Variants in ARHGAP27 observed in about 807,000 individuals in gnomAD.
ARHGAP27 encodes Rho GTPase activating protein 27.
A neutral mutation model predicts 102.0 loss-of-function variants in ARHGAP27; 53 were observed. The observed-to-expected ratio is 0.52, with a 90% CI of 0.42 to 0.65. ARHGAP27 has a LOEUF of 0.65. Among genes scored for constraint, ARHGAP27 ranks in the 30% least tolerant of loss-of-function variants. The probability of loss-of-function intolerance (pLI) is 0.00; values close to 1 mark genes in which losing one functional copy is unlikely to be tolerated. For missense variants in ARHGAP27, 1,117 were observed against 1,256.2 expected (o/e 0.89, Z 1.68); for synonymous variants, 525 against 542.8 (o/e 0.97, Z 0.46).
rs539714116 is a variant in ARHGAP27, at chr17:45,416,244, C to G, written c.658-10161G>C. ...TGTATTTTTTTTTTTTTAGTAGAGA[C>G]GGGGTTTCACCGTGTTAGCCAGGAT... On this transcript the variant is annotated intron_variant, in intron 4 of 19. Coordinates refer to ENST00000685559, the MANE Select transcript of ARHGAP27 (RefSeq NM_001282290.2). Among the ~76,000 whole-genome samples, 1,150 of 151,020 alleles carry G rather than the reference C, an allele frequency of 7.6e-3. 8 individuals are homozygous for G. The highest frequency in any genetic ancestry group is 0.013 in the Non-Finnish European group (883 of 67,738).
At chr17:45,400,607 A>C (rs2046324243) in intron 12 of ARHGAP27, among the ~76,000 whole-genome samples, 1 of 152,168 alleles carries the variant, frequency 6.6e-6, no homozygotes, top group South Asian at 2.1e-4. Flanking sequence ...CAGGGGAGAA[A>C]CATGACTAGC....
Position 45,395,186 on chromosome 17 carries a change from G to A in ARHGAP27, c.*270C>T, listed in dbSNP as rs557533795. On this transcript the variant is annotated 3_prime_UTR_variant, in exon 20 of 20. Coordinates refer to ENST00000685559, the MANE Select transcript of ARHGAP27 (RefSeq NM_001282290.2). ...ACGCTATCGCACACGCACAGTAGGC[G>A]CGATGCAACAGAGAAAAAACCGAAT... 8 of 537,962 alleles carry A rather than the reference G, an allele frequency of 1.5e-5. No individual in the cohort carries two copies. Among genetic ancestry groups the A allele is most frequent in the Admixed American group, 1.0e-4 (3 of 28,714 alleles). The allele number at this position is 537,962 out of a possible 1,614,324, so 33.3% of individuals were successfully genotyped here. A position where few individuals can be genotyped will look rare whatever the true frequency, so the allele number is the denominator to read the frequency against.
intron 11 of ARHGAP27, 83 bp from the exon 12 acceptor site, chr17:45,402,901 G>T: frequency 8.1e-7 from 1 of 1,233,016 alleles, no homozygotes; most frequent in Non-Finnish European, 1.2e-6. Flanking sequence ...AATAGGATGG[G>T]GTCACTGGCA....
In ARHGAP27 at chr17:45,430,985, C is replaced by A. The variant is rs1324820057; in HGVS notation, c.-19+636G>T. 1.3e-5 allele frequency among the ~76,000 whole-genome samples: 2 copies of A among 152,118 alleles called. No homozygotes were observed. The highest frequency in any genetic ancestry group is 4.8e-5 in the African/African-American group (2 of 41,408). On this transcript the variant is annotated intron_variant, in intron 3 of 19. Transcript: ENST00000685559. The surrounding 1 kb of genome is among the most constrained non-coding windows in gnomAD (Gnocchi z 4.4). Reference sequence around the variant, plus strand: ...CTCTTTCCTTCCCCAGCTGCATCACCGCAGACGTGAGCCCGAGCCCGGCCC... The same window carrying A: ...CTCTTTCCTTCCCCAGCTGCATCACAGCAGACGTGAGCCCGAGCCCGGCCC...
chr17:45,400,104 A>C (rs1433631098), intron 12 of ARHGAP27, among the ~76,000 whole-genome samples: 4 of 152,170 alleles, frequency 2.6e-5, no homozygotes, highest in Admixed American at 2.6e-4. Context: ...TGGAAGCTGC[A>C]GTGAGCTACG....
In ARHGAP27 at chr17:45,403,654, A is replaced by G. The variant is rs767844320; in HGVS notation, c.1603T>C (p.Phe535Leu). The G allele has an allele frequency of 6.2e-7, 1 of 1,614,048 alleles. No individual in the cohort carries two copies. The highest frequency in any genetic ancestry group is 2.2e-5 in the East Asian group (1 of 44,884). Residue 535 changes from phenylalanine to leucine, a missense_variant, in exon 11 of 20, where the codon TTC (phenylalanine) becomes CTC (leucine). Transcript: ENST00000685559. Reference sequence around the variant, plus strand: ...GCAGCCGAGGTCTTTGAGTCCTTGAAGAATGTCAGGACGCCACCCTCCAGC... The same window carrying G: ...GCAGCCGAGGTCTTTGAGTCCTTGAGGAATGTCAGGACGCCACCCTCCAGC... Reference protein sequence around the residue: ...TVLEGGVLTFFKDSKTSAAGG... With the variant: ...TVLEGGVLTFLKDSKTSAAGG...
chr17:45,428,208 C>T (rs1597875568), intron 4 of ARHGAP27, among the ~76,000 whole-genome samples: 1 of 152,250 alleles, frequency 6.6e-6, no homozygotes, highest in Non-Finnish European at 1.5e-5. Context: ...CCCCGCCCGC[C>T]GGGTGCCGTT....
At chr17:45,397,177 T>C in intron 13 of ARHGAP27, 153 bp from the exon 14 acceptor site, 1 of 1,441,954 alleles carries the variant, frequency 6.9e-7, no homozygotes, top group Non-Finnish European at 9.1e-7. Context: ...TAACTCTCCT[T>C]ACCTCCACCA....
At chr17:45,424,459 C>T (rs1182442638) in intron 4 of ARHGAP27, among the ~76,000 whole-genome samples, 1 of 152,216 alleles carries the variant, frequency 6.6e-6, no homozygotes, top group Non-Finnish European at 1.5e-5. Flanking sequence ...ATCAGCTACG[C>T]CCTGGTCACG....
chr17:45,426,819 C>T (rs1212482979), intron 4 of ARHGAP27, among the ~76,000 whole-genome samples: 1 of 152,198 alleles, frequency 6.6e-6, no homozygotes, highest in African/African-American at 2.4e-5. Flanking sequence ...GACCACTGCC[C>T]TCTGCCTTCA....
In ARHGAP27 at chr17:45,405,884, G is replaced by T; in HGVS notation, c.857C>A (p.Ala286Asp). The change falls in exon 5 of 20, where the codon GCC becomes GAC. Residue 286 changes from alanine to aspartate, a missense_variant. Physicochemically the swap from Ala to Asp is moderately radical, Grantham distance 126 (BLOSUM62 -2). This residue lies in a region of ARHGAP27 where 610 missense variants were observed against 716.4 expected (regional missense o/e 0.85). Transcript: ENST00000685559. Reference protein sequence around the residue: ...ESPFEAAEGAASPATSPASVD... With the variant: ...ESPFEAAEGADSPATSPASVD... Reference sequence around the variant, plus strand: ...CGAGGCAGGGGAGGTGGCTGGGCTGGCGGCACCCTCGGCAGCCTCAAAGGG... The same window carrying T: ...CGAGGCAGGGGAGGTGGCTGGGCTGTCGGCACCCTCGGCAGCCTCAAAGGG... 6.5e-7 allele frequency: 1 copy of T among 1,536,056 alleles called. No homozygotes were observed. Among genetic ancestry groups the T allele is most frequent in the South Asian group, 1.2e-5 (1 of 84,052 alleles).
At chr17:45,410,484 C>A in intron 4 of ARHGAP27, 1 of 1,270,124 alleles carries the variant, frequency 7.9e-7, no homozygotes, top group Non-Finnish European at 1.0e-6. Flanking sequence ...GGTGGAGGGG[C>A]CTCAGGTTGA....
rs767751348 is a variant in ARHGAP27, at chr17:45,405,713, T to G, written c.1028A>C (p.Gln343Pro). 2.5e-5 allele frequency: 40 copies of G among 1,603,520 alleles called. No individual in the cohort carries two copies. The East Asian group carries it at 8.7e-4, about 35-fold the overall frequency. ...ENEPEEELEM[Q>P]PGLSPGSPGD... ...TGGGCTGCCAGGGCTCAGGCCCGGC[T>G]GCATCTCCAACTCCTCCTCGGGCTC... Residue 343 changes from glutamine (Q) to proline (P), a missense_variant, in exon 5 of 20, where the codon CAG becomes CCG. Coordinates refer to ENST00000685559, the MANE Select transcript of ARHGAP27 (RefSeq NM_001282290.2).
At position 45,427,262 on chromosome 17, in the gene ARHGAP27, C is replaced by A. The variant is rs186379173; in HGVS notation, c.657+2361G>T. 7.9e-5 allele frequency among the ~76,000 whole-genome samples: 12 copies of A among 152,196 alleles called. No individual in the cohort carries two copies. Among genetic ancestry groups the A allele is most frequent in the Admixed American group, 7.9e-4 (12 of 15,280 alleles). On this transcript the variant is annotated intron_variant, in intron 4 of 19. Transcript: ENST00000685559. The surrounding 1 kb of genome is among the most constrained non-coding windows in gnomAD (Gnocchi z 4.5). ...CCTGTCTCTGCTAAAAGCCTCACAG[C>A]GGCTGCAGGATAATGTGCACATTCC...
chr17:45,426,054 G>A (rs1370302851), intron 4 of ARHGAP27, among the ~76,000 whole-genome samples: 2 of 152,152 alleles, frequency 1.3e-5, no homozygotes, highest in Non-Finnish European at 2.9e-5. Flanking sequence ...GAAGGAGCAT[G>A]TGCCTGCCTT....
intron 11 of ARHGAP27, among the ~76,000 whole-genome samples, chr17:45,403,255 C>A (rs1475454393): frequency 6.6e-6 from 1 of 152,178 alleles, no homozygotes; most frequent in Non-Finnish European, 1.5e-5. Flanking sequence ...CATCTCCAAG[C>A]CAGATTAGAT....
intron 4 of ARHGAP27, among the ~76,000 whole-genome samples, chr17:45,416,170 C>T (rs1303007596): frequency 1.3e-5 from 2 of 151,830 alleles, no homozygotes; most frequent in African/African-American, 2.4e-5. Flanking sequence ...CTCAGCTTCC[C>T]GAGTAGCTGG....
At chr17:45,402,673 AC>A in intron 12 of ARHGAP27, 40 bp downstream of exon 12, 1 of 1,542,348 alleles carries the variant, frequency 6.5e-7, no homozygotes, top group South Asian at 1.1e-5. Flanking sequence ...GGCAGGCATC[AC>A]TAAGCCCCTT....
At chr17:45,424,476 G>T (rs2049351590) in intron 4 of ARHGAP27, among the ~76,000 whole-genome samples, 1 of 152,216 alleles carries the variant, frequency 6.6e-6, no homozygotes, top group Non-Finnish European at 1.5e-5. Context: ...CACGATCATG[G>T]ACTTTCCCAT....
Sources: gnomAD v4.1 joint callset for allele counts (sites outside exome capture counted in the v4.1 genomes callset) on GRCh38, gnomAD v4.1.1 for gene constraint, gnomAD v4.1.1 regional missense constraint, Gnocchi (gnomAD v3.1) non-coding constraint, MANE v1.5 for transcripts, NCBI Gene and HGNC (gene_info 2026-07-23, HGNC 2026-07-21) for gene names.